DMD: variants seen among roughly 807,000 people sequenced by gnomAD.
The protein encoded by DMD is dystrophin.
In DMD, 63 loss-of-function variants were observed where a neutral mutation model predicts 330.1. That is an observed-to-expected ratio of 0.19 (90% CI 0.16 to 0.24). The LOEUF is 0.24. Ranked by LOEUF, DMD falls within the 10% of genes least tolerant of loss-of-function variation. The probability of loss-of-function intolerance (pLI) is 1.00; values close to 1 mark genes in which losing one functional copy is unlikely to be tolerated. For missense variants in DMD, 3,344 were observed against 2,684.1 expected (o/e 1.25, Z -5.43); for synonymous variants, 1,223 against 959.8 (o/e 1.27, Z -5.07).
intron 55 of DMD, among the ~76,000 whole-genome samples, chrX:31,601,336 T>C (rs1347217405): frequency 8.9e-6 from 1 of 112,325 alleles, no homozygotes; most frequent in Non-Finnish European, 1.9e-5. Context: ...GCATACTATA[T>C]TGATACATAT....
At chrX:32,379,035 AT>A (rs1447134888) in intron 34 of DMD, among the ~76,000 whole-genome samples, 4 of 58,026 alleles carry the variant, frequency 6.9e-5, no homozygotes, top group African/African-American at 3.3e-4. Flanking sequence ...TTCCAAATAA[AT>A]TGGTAAAAAA....
intron 2 of DMD, among the ~76,000 whole-genome samples, chrX:32,853,786 A>AC (rs1557088107): frequency 7.2e-4 from 75 of 104,151 alleles, no homozygotes; most frequent in Non-Finnish European, 1.2e-3. Flanking sequence ...AAAAAAAAAA[A>AC]CAAACAACAA....
chrX:31,718,150 A>G (rs2085198876), intron 52 of DMD, among the ~76,000 whole-genome samples: 1 of 112,388 alleles, frequency 8.9e-6, no homozygotes, highest in African/African-American at 3.2e-5. Flanking sequence ...GAAAGAAAAT[A>G]TCAGAGCATT....
chrX:31,423,386 GA>G (rs916772985), intron 60 of DMD, among the ~76,000 whole-genome samples: 1 of 109,657 alleles, frequency 9.1e-6, no homozygotes. Flanking sequence ...TATTTTACTG[GA>G]AAAAAAAATC....
At chrX:31,444,378 C>T in intron 60 of DMD, 103 bp downstream of exon 60, 1 of 913,094 alleles carries the variant, frequency 1.1e-6, no homozygotes, top group Non-Finnish European at 1.6e-6. Context: ...ACAAATATTA[C>T]CATGAACATT....
intron 7 of DMD, among the ~76,000 whole-genome samples, chrX:32,787,266 G>GAA (rs1169547423): frequency 1.9e-5 from 2 of 107,032 alleles, no homozygotes; most frequent in African/African-American, 3.5e-5. Context: ...GAGAGAGAGA[G>GAA]AGAGAGAAAG....
intron 17 of DMD, among the ~76,000 whole-genome samples, chrX:32,538,504 C>G (rs930077337): frequency 9.0e-6 from 1 of 110,918 alleles, no homozygotes; most frequent in East Asian, 2.9e-4. Flanking sequence ...TCTTTTCAGA[C>G]TCAGCCTGCC....
chrX:31,704,501 C>T (rs954396570), intron 52 of DMD, among the ~76,000 whole-genome samples: 1 of 111,737 alleles, frequency 8.9e-6, no homozygotes, highest in African/African-American at 3.2e-5. Context: ...TAAGGTAATC[C>T]ATGTGAACAG....
intron 64 of DMD, among the ~76,000 whole-genome samples, chrX:31,220,366 C>A (rs1187618508): frequency 9.0e-6 from 1 of 111,461 alleles, no homozygotes; most frequent in Non-Finnish European, 1.9e-5. Flanking sequence ...TCCACTGTGC[C>A]TCTAAAATCT....
intron 1 of DMD, among the ~76,000 whole-genome samples, chrX:33,024,608 A>G (rs1017161975): frequency 1.5e-4 from 17 of 112,063 alleles, no homozygotes; most frequent in African/African-American, 5.5e-4. Context: ...GTGGCCTTTC[A>G]TATTTTTTAA....
intron 41 of DMD, among the ~76,000 whole-genome samples, chrX:32,336,882 G>C (rs138808336): frequency 4.5e-5 from 5 of 111,729 alleles, no homozygotes; most frequent in Non-Finnish European, 7.5e-5. Flanking sequence ...GTTAGCAGAA[G>C]AGCAAAAAGG....
chrX:33,176,840 G>C (rs1011914920), intron 1 of DMD, among the ~76,000 whole-genome samples: 4 of 111,429 alleles, frequency 3.6e-5, no homozygotes, highest in Admixed American at 9.5e-5. Flanking sequence ...GGGAGGCTGA[G>C]GCAGGACAAT....
Position 32,502,120 on chromosome X carries a change from G to A in DMD, c.2293-278C>T, listed in dbSNP as rs1401708271. Among the ~76,000 whole-genome samples the A allele has an allele frequency of 7.2e-5, 8 of 111,196 alleles. No homozygotes were observed. In the East Asian group the frequency reaches 1.9e-3, roughly 27 times the overall value. The stretch of plus-strand genomic sequence containing the variant: ...TTCTGATACATTTCAACGCAAGACT[G>A]CAAAAAGTAAAAAGGCAATTCATAA... On this transcript the variant is annotated intron_variant, in intron 18 of 78. Coordinates refer to ENST00000357033, the MANE Select transcript of DMD (RefSeq NM_004006.3).
At chrX:31,661,713 ATGTGTGTGTGTGTATG>A (rs763458940) in intron 53 of DMD, among the ~76,000 whole-genome samples, 55 of 110,122 alleles carry the variant, frequency 5.0e-4, no homozygotes, top group African/African-American at 1.6e-3. Flanking sequence ...GCCTTTGTAT[ATGTGTGTGTGTGTATG>A]TGTGTGTGTG....
At chrX:31,387,170 G>GGTC (rs764296334) in intron 60 of DMD, among the ~76,000 whole-genome samples, 1 of 111,330 alleles carries the variant, frequency 9.0e-6, no homozygotes, top group East Asian at 2.8e-4. Context: ...AGCTAAAAAT[G>GGTC]GTCATTGTTC....
chrX:33,180,759 T>G (rs2097084287), intron 1 of DMD, among the ~76,000 whole-genome samples: 1 of 111,024 alleles, frequency 9.0e-6, no homozygotes, highest in Admixed American at 9.6e-5. Flanking sequence ...AGAATGGTGT[T>G]TTCATTTTCT....
chrX:31,699,126 AC>A (rs913463985), intron 52 of DMD, among the ~76,000 whole-genome samples: 10 of 111,638 alleles, frequency 9.0e-5, no homozygotes, highest in African/African-American at 3.3e-4. Context: ...AAAGTACCTG[AC>A]CCCTAGACAG....
chrX:32,960,916 T>TA (rs59425093), intron 2 of DMD, among the ~76,000 whole-genome samples: 16,941 of 68,486 alleles, frequency 0.25, 2,257 homozygotes, highest in Non-Finnish European at 0.34. Flanking sequence ...GCACCATTTG[T>TA]AAAAAAAAAA....
At chrX:31,195,230 T>C (rs1478259324) in intron 67 of DMD, among the ~76,000 whole-genome samples, 2 of 111,509 alleles carry the variant, frequency 1.8e-5, no homozygotes, top group Non-Finnish European at 3.8e-5. Flanking sequence ...CAATAACACA[T>C]GGTGATTATC....
Sources: gnomAD v4.1 joint callset for allele counts (sites outside exome capture counted in the v4.1 genomes callset) on GRCh38, gnomAD v4.1.1 for gene constraint, MANE v1.5 for transcripts, NCBI Gene and HGNC (gene_info 2026-07-23, HGNC 2026-07-21) for gene names.